Variants in ARHGAP42 observed in about 807,000 individuals in gnomAD.
The protein encoded by ARHGAP42 is rho GTPase-activating protein 42.
A neutral mutation model predicts 125.0 loss-of-function variants in ARHGAP42; 63 were observed. The ratio of observed to expected loss-of-function variants is 0.50; its 90% confidence interval spans 0.41 to 0.62. The LOEUF is 0.62. ARHGAP42 is among the 20% of genes least tolerant of loss of function. The pLI is 0.00. For synonymous variants in ARHGAP42, 339 were observed against 351.0 expected, an observed-to-expected ratio of 0.97 and a Z score of 0.38; for missense variants, 766 against 1,024.2, an observed-to-expected ratio of 0.75 and a Z score of 3.44.
At chr11:100,821,589 T>TA (rs1384279071) in intron 3 of ARHGAP42, among the ~76,000 whole-genome samples, 3 of 148,604 alleles carry the variant, frequency 2.0e-5, no homozygotes, top group African/African-American at 7.5e-5. Context: ...TTCCTCCCCT[T>TA]AGCCTACCCT....
At chr11:100,726,037 G>T (rs1194485880) in intron 1 of ARHGAP42, among the ~76,000 whole-genome samples, 4 of 148,102 alleles carry the variant, frequency 2.7e-5, no homozygotes, top group South Asian at 2.1e-4. Context: ...GTTCAAGGTT[G>T]CAGTGAGCTG....
At chr11:100,930,669 G>A (rs987650902) in intron 6 of ARHGAP42, among the ~76,000 whole-genome samples, 3 of 152,108 alleles carry the variant, frequency 2.0e-5, no homozygotes, top group Non-Finnish European at 4.4e-5. Context: ...ATAAGATGAA[G>A]GTACCAGGAT....
intron 4 of ARHGAP42, among the ~76,000 whole-genome samples, chr11:100,893,702 A>G (rs1196588567): frequency 6.6e-6 from 1 of 152,146 alleles, no homozygotes; most frequent in African/African-American, 2.4e-5. Context: ...AAGAATGATA[A>G]ATTATTAGTA....
At chr11:100,947,421 A>G (rs1031475918) in intron 10 of ARHGAP42, among the ~76,000 whole-genome samples, 27 of 152,092 alleles carry the variant, frequency 1.8e-4, no homozygotes, top group African/African-American at 6.3e-4. Context: ...CCGGTTATAT[A>G]ACCTTGGAGC....
chr11:100,923,110 A>T (rs1867324955), intron 6 of ARHGAP42, among the ~76,000 whole-genome samples: 2 of 152,142 alleles, frequency 1.3e-5, no homozygotes, highest in Admixed American at 1.3e-4. Context: ...TAGCCAGCCT[A>T]ACATTTCCTA....
At chr11:100,746,435 CT>C (rs1862307022) in intron 1 of ARHGAP42, among the ~76,000 whole-genome samples, 1 of 152,204 alleles carries the variant, frequency 6.6e-6, no homozygotes, top group South Asian at 2.1e-4. Flanking sequence ...GAGGACCACC[CT>C]AGTGGAAAGG....
intron 3 of ARHGAP42, among the ~76,000 whole-genome samples, chr11:100,853,883 T>C (rs1172060481): frequency 6.6e-6 from 1 of 150,614 alleles, no homozygotes; most frequent in Non-Finnish European, 1.5e-5. Flanking sequence ...ACTCTTATAC[T>C]AAAACTCCAA....
chr11:100,979,857 G>A (rs1232688063), intron 22 of ARHGAP42, among the ~76,000 whole-genome samples: 1 of 152,102 alleles, frequency 6.6e-6, no homozygotes, highest in African/African-American at 2.4e-5. Flanking sequence ...GGCTAATTGA[G>A]GCTGTGAAGG....
intron 4 of ARHGAP42, among the ~76,000 whole-genome samples, chr11:100,899,273 A>G (rs1317013066): frequency 2.0e-5 from 3 of 152,150 alleles, no homozygotes; most frequent in African/African-American, 2.4e-5. Context: ...TATGTGGTCA[A>G]TTTTAGAATA....
chr11:100,898,926 G>T (rs1866445173), intron 4 of ARHGAP42, among the ~76,000 whole-genome samples: 1 of 152,010 alleles, frequency 6.6e-6, no homozygotes, highest in Admixed American at 6.6e-5. Flanking sequence ...TCTTTTAATT[G>T]TGATGTTAGG....
chr11:100,762,096 C>A (rs1862714495), intron 1 of ARHGAP42, among the ~76,000 whole-genome samples: 1 of 152,218 alleles, frequency 6.6e-6, no homozygotes, highest in Non-Finnish European at 1.5e-5. Context: ...TGAGCACCTT[C>A]ATCACATAAG....
chr11:100,702,740 C>T (rs191889225), intron 1 of ARHGAP42, among the ~76,000 whole-genome samples: 15 of 150,698 alleles, frequency 1.0e-4, no homozygotes, highest in African/African-American at 2.9e-4. Flanking sequence ...GGCACGACCT[C>T]GGCTCACTGC....
chr11:100,793,709 T>C (rs1340304489), intron 2 of ARHGAP42, among the ~76,000 whole-genome samples: 3 of 152,238 alleles, frequency 2.0e-5, no homozygotes, highest in African/African-American at 7.2e-5. Context: ...CCAGAATTAC[T>C]AAACTTCTGG....
chr11:100,813,344 A>G (rs1591202724), intron 3 of ARHGAP42, among the ~76,000 whole-genome samples: 1 of 152,178 alleles, frequency 6.6e-6, no homozygotes, highest in South Asian at 2.1e-4. Flanking sequence ...TCAGGGGTCA[A>G]AGTCAACCAG....
intron 7 of ARHGAP42, among the ~76,000 whole-genome samples, chr11:100,934,063 G>A (rs1867661122): frequency 6.6e-6 from 1 of 152,170 alleles, no homozygotes; most frequent in Non-Finnish European, 1.5e-5. Context: ...TGGGATTACA[G>A]GTGTGACCCA....
At chr11:100,717,465 G>C (rs560013733) in intron 1 of ARHGAP42, among the ~76,000 whole-genome samples, 1 of 151,706 alleles carries the variant, frequency 6.6e-6, no homozygotes, top group South Asian at 2.1e-4. Context: ...GTGAAACCCC[G>C]TCTCTACTAA....
At chr11:100,973,406 T>A in intron 18 of ARHGAP42, 72 bp downstream of exon 18, 2 of 1,442,696 alleles carry the variant, frequency 1.4e-6, no homozygotes, top group Non-Finnish European at 1.9e-6. Flanking sequence ...GCATTTGATC[T>A]GTGAGCTCAT....
At chr11:100,724,213 C>T (rs1462900665) in intron 1 of ARHGAP42, among the ~76,000 whole-genome samples, 1 of 151,880 alleles carries the variant, frequency 6.6e-6, no homozygotes, top group Non-Finnish European at 1.5e-5. Flanking sequence ...TTCTTAGATT[C>T]GATTTGCTAG....
rs747372206 is a variant in ARHGAP42, at chr11:100,976,092, A to G, written c.1891A>G (p.Met631Val). ...SYSSSPDSTP[M>V]GSIESLSSHS... Reference sequence around the variant, plus strand: ...TAGCAGCAGCCCAGACAGCACACCTATGGGGAGCATTGAGTCACTCTCTTC... The same window carrying G: ...TAGCAGCAGCCCAGACAGCACACCTGTGGGGAGCATTGAGTCACTCTCTTC... Residue 631 changes from methionine to valine, a missense_variant, in exon 20 of 24, where the codon ATG becomes GTG. Physicochemically the swap from Met to Val is conservative, Grantham distance 21. This residue lies in a region of ARHGAP42 where 308 missense variants were observed against 369.7 expected (regional missense o/e 0.83). Transcript: ENST00000298815. 9.1e-6 allele frequency: 14 copies of G among 1,546,448 alleles called. No individual in the cohort carries two copies. In the South Asian group the frequency reaches 1.3e-4, roughly 15 times the overall value.
Sources: allele counts gnomAD v4.1 joint callset (sites outside exome capture counted in the v4.1 genomes callset), GRCh38; gene constraint gnomAD v4.1.1; regional missense constraint gnomAD v4.1.1; transcripts MANE v1.5; gene names NCBI Gene and HGNC (gene_info 2026-07-23, HGNC 2026-07-21).